DLG2: variants seen among roughly 807,000 people sequenced by gnomAD.
DLG2 encodes discs large MAGUK scaffold protein 2.
In DLG2, 45 loss-of-function variants were observed where a neutral mutation model predicts 132.5. The observed-to-expected ratio is 0.34, with a 90% CI of 0.27 to 0.44. The LOEUF is 0.44. Among genes scored for constraint, DLG2 ranks in the 20% least tolerant of loss-of-function variants. The probability of loss-of-function intolerance (pLI) is 1.00; values close to 1 mark genes in which losing one functional copy is unlikely to be tolerated. For missense variants in DLG2, 1,045 were observed against 1,196.9 expected, an observed-to-expected ratio of 0.87 and a Z score of 1.87; for synonymous variants, 424 against 419.6, an observed-to-expected ratio of 1.01 and a Z score of -0.13.
intron 3 of DLG2, among the ~76,000 whole-genome samples, chr11:85,511,774 A>T (rs1407678790): frequency 1.3e-5 from 2 of 149,318 alleles, no homozygotes; most frequent in Non-Finnish European, 3.0e-5. Flanking sequence ...GCTAAAGTGC[A>T]GTGGTGGGAT....
intron 7 of DLG2, among the ~76,000 whole-genome samples, chr11:84,273,858 T>C (rs775225286): frequency 1.3e-5 from 2 of 152,188 alleles, no homozygotes; most frequent in African/African-American, 2.4e-5. Context: ...AGTATTACTG[T>C]CTTAATGGCA....
rs188543422 is a variant in DLG2, at chr11:84,597,702, A to T, written c.358-62971T>A. On this transcript the variant is annotated intron_variant, in intron 6 of 27. Transcript: ENST00000376104. The stretch of plus-strand genomic sequence containing the variant: ...AATCTATCTCCAAAAGCTTGCTTTG[A>T]ACTTTATAATGGGTGGATTGCACTG... Among the ~76,000 whole-genome samples the T allele has an allele frequency of 9.0e-4, 137 of 152,292 alleles. 1 individual carries two copies. Among genetic ancestry groups the T allele is most frequent in the African/African-American group, 3.1e-3 (130 of 41,570 alleles).
At chr11:84,643,547 T>A (rs1163499058) in intron 6 of DLG2, among the ~76,000 whole-genome samples, 2 of 152,206 alleles carry the variant, frequency 1.3e-5, no homozygotes, top group Non-Finnish European at 2.9e-5. Context: ...AAATGTTCTA[T>A]ATAATTATTA....
intron 4 of DLG2, among the ~76,000 whole-genome samples, chr11:85,187,694 T>C (rs1469924960): frequency 1.3e-5 from 2 of 152,126 alleles, no homozygotes; most frequent in Non-Finnish European, 2.9e-5. Flanking sequence ...TCCAGCTCAG[T>C]TTGCTAGTTC....
chr11:84,146,477 T>A (rs968424063), intron 9 of DLG2, among the ~76,000 whole-genome samples: 1 of 151,946 alleles, frequency 6.6e-6, no homozygotes, highest in Non-Finnish European at 1.5e-5. Flanking sequence ...ACACCTACTA[T>A]GTACCAACAG....
intron 7 of DLG2, among the ~76,000 whole-genome samples, chr11:84,281,533 T>C (rs919448017): frequency 6.6e-6 from 1 of 151,934 alleles, no homozygotes; most frequent in African/African-American, 2.4e-5. Flanking sequence ...GCTGGTGTGC[T>C]GCACCCATTA....
intron 3 of DLG2, among the ~76,000 whole-genome samples, chr11:85,520,199 G>A (rs965233786): frequency 6.6e-5 from 10 of 152,080 alleles, no homozygotes; most frequent in East Asian, 3.9e-4. Flanking sequence ...TCTATACACC[G>A]ATAATGATCA....
chr11:83,633,196 T>TA lies in DLG2; in HGVS notation c.1940+14dup, dbSNP rs1344690870. 2 of 1,610,478 alleles carry TA rather than the reference T, an allele frequency of 1.2e-6. No individual in the cohort carries two copies. Among genetic ancestry groups the TA allele is most frequent in the East Asian group, 4.5e-5 (2 of 44,856 alleles). On this transcript the variant is annotated intron_variant, in intron 19 of 27. Coordinates refer to ENST00000376104, the MANE Select transcript of DLG2 (RefSeq NM_001142699.3). The stretch of plus-strand genomic sequence containing the variant: ...TGCTCACAAAGTGCAGATAGAGAAA[T>TA]ACTCCTTTGCCTACCTGACGTAGAG...
chr11:84,149,911 C>A (rs551791991), intron 9 of DLG2, among the ~76,000 whole-genome samples: 73 of 152,168 alleles, frequency 4.8e-4, no homozygotes, highest in Non-Finnish European at 8.7e-4. Context: ...GCACACGCCA[C>A]AATGCCTGGC....
intron 6 of DLG2, among the ~76,000 whole-genome samples, chr11:84,641,015 A>T (rs1298078714): frequency 6.6e-6 from 1 of 152,118 alleles, no homozygotes; most frequent in African/African-American, 2.4e-5. Context: ...TTTAAAAAAT[A>T]AACAAAATTT....
intron 19 of DLG2, among the ~76,000 whole-genome samples, chr11:83,572,659 C>T (rs2096816575): frequency 6.6e-6 from 1 of 152,162 alleles, no homozygotes; most frequent in Non-Finnish European, 1.5e-5. Context: ...CACACTCAAC[C>T]ACTGAAGGAA....
In DLG2 at chr11:84,970,657, C is replaced by T. The variant is rs190843157; in HGVS notation, c.357+141004G>A. 1.4e-3 allele frequency among the ~76,000 whole-genome samples: 209 copies of T among 152,164 alleles called. 1 individual carries two copies. Among genetic ancestry groups the T allele is most frequent in the African/African-American group, 2.2e-3 (93 of 41,518 alleles). ...AGCAACCCTTTAGGGGTTAGGACTTCGACATATGAATTTTGGAAGGACACA... is the reference window on the plus strand; with the variant it reads ...AGCAACCCTTTAGGGGTTAGGACTTTGACATATGAATTTTGGAAGGACACA... On this transcript the variant is annotated intron_variant, in intron 6 of 27. Transcript: ENST00000376104.
chr11:83,841,103 T>C (rs1258456482), intron 16 of DLG2, among the ~76,000 whole-genome samples: 1 of 152,166 alleles, frequency 6.6e-6, no homozygotes, highest in Non-Finnish European at 1.5e-5. Context: ...TTCTAAGAAC[T>C]GTTTTGTGTG....
chr11:83,613,073 A>G (rs2060336054), intron 19 of DLG2, among the ~76,000 whole-genome samples: 1 of 152,216 alleles, frequency 6.6e-6, no homozygotes, highest in African/African-American at 2.4e-5. Flanking sequence ...ATGCCAACCA[A>G]TTGCAGAGGC....
intron 21 of DLG2, among the ~76,000 whole-genome samples, chr11:83,510,830 G>GTTGT (rs1555133619): frequency 1.1e-5 from 1 of 88,776 alleles, no homozygotes; most frequent in Non-Finnish European, 2.1e-5. Flanking sequence ...TGAACCATCC[G>GTTGT]TTTTTTTTTT....
At chr11:85,604,972 G>A (rs1046035408) in intron 2 of DLG2, among the ~76,000 whole-genome samples, 5 of 152,258 alleles carry the variant, frequency 3.3e-5, no homozygotes, top group Non-Finnish European at 7.4e-5. Context: ...CTTAAAAAAT[G>A]AAGAATTACA....
chr11:83,486,068 C>A (rs1406344606), intron 21 of DLG2: 1 of 489,204 alleles, frequency 2.0e-6, no homozygotes, highest in Non-Finnish European at 3.6e-6. Context: ...CTGCTGACAG[C>A]ACCTATGTTC....
At chr11:84,274,874 C>A (rs2097769726) in intron 7 of DLG2, among the ~76,000 whole-genome samples, 1 of 152,136 alleles carries the variant, frequency 6.6e-6, no homozygotes, top group African/African-American at 2.4e-5. Context: ...CAGCTCACAC[C>A]CACAGTCCCT....
chr11:83,765,892 G>A (rs2094121831), intron 18 of DLG2, among the ~76,000 whole-genome samples: 1 of 152,176 alleles, frequency 6.6e-6, no homozygotes, highest in Non-Finnish European at 1.5e-5. Flanking sequence ...TGTTTGTCTG[G>A]AATGTAGATG....
Sources: allele counts gnomAD v4.1 joint callset (sites outside exome capture counted in the v4.1 genomes callset), GRCh38; gene constraint gnomAD v4.1.1; transcripts MANE v1.5; gene names NCBI Gene and HGNC (gene_info 2026-07-23, HGNC 2026-07-21).